The following FBXO38 variants were observed in gnomAD, a reference collection of about 807,000 sequenced individuals.
FBXO38 encodes F-box only protein 38.
In FBXO38, 53 loss-of-function variants were observed where a neutral mutation model predicts 131.9. The ratio of observed to expected loss-of-function variants is 0.40; its 90% CI spans 0.32 to 0.51. FBXO38 has a LOEUF of 0.51. Among genes scored for constraint, FBXO38 ranks in the 20% least tolerant of loss-of-function variants. FBXO38 has a pLI of 0.53. For missense variants in FBXO38, 1,076 were observed against 1,475.6 expected (o/e 0.73, Z 4.44); for synonymous variants, 452 against 505.6 (o/e 0.89, Z 1.42).
At chr5:148,393,818 A>G (rs1487056973) in intron 1 of FBXO38, among the ~76,000 whole-genome samples, 1 of 152,142 alleles carries the variant, frequency 6.6e-6, no homozygotes, top group Non-Finnish European at 1.5e-5. Context: ...AATATTTCCT[A>G]TAAACTTCCC....
In FBXO38 at chr5:148,386,241, A is replaced by T. The variant is rs57349530; in HGVS notation, c.-64+2202A>T. ...GCACTAGGGCATTGCTCTGGAATGC[A>T]GGAAGACAACCACAGTGACAGAGGA... On this transcript the variant is annotated intron_variant, in intron 1 of 21. Coordinates refer to ENST00000340253, the MANE Select transcript of FBXO38 (RefSeq NM_205836.3). 5.0e-3 allele frequency among the ~76,000 whole-genome samples: 760 copies of T among 152,298 alleles called. 4 individuals are homozygous for T. Among genetic ancestry groups the T allele is most frequent in the African/African-American group, 0.017 (712 of 41,564 alleles).
intron 14 of FBXO38, among the ~76,000 whole-genome samples, chr5:148,426,947 T>C (rs1472993694): frequency 6.6e-6 from 1 of 152,058 alleles, no homozygotes; most frequent in African/African-American, 2.4e-5. Flanking sequence ...ATGTAGAATG[T>C]ATATGGAGGG....
At chr5:148,425,353 T>G (rs558072992) in intron 13 of FBXO38, among the ~76,000 whole-genome samples, 169 bp from the exon 14 acceptor site, 1 of 152,334 alleles carries the variant, frequency 6.6e-6, no homozygotes, top group Admixed American at 6.5e-5. Flanking sequence ...AGAGTTGAGT[T>G]GCTTTCACAG....
intron 10 of FBXO38, among the ~76,000 whole-genome samples, chr5:148,414,684 T>A (rs1432894864): frequency 6.6e-6 from 1 of 152,150 alleles, no homozygotes; most frequent in East Asian, 1.9e-4. Flanking sequence ...ACAAAGTAGG[T>A]ATGTATGTTG....
At chr5:148,436,554 G>A (rs1485108863) in intron 17 of FBXO38, among the ~76,000 whole-genome samples, 1 of 151,758 alleles carries the variant, frequency 6.6e-6, no homozygotes, top group Non-Finnish European at 1.5e-5. Context: ...AAGCATTTCA[G>A]ATAAAGGTTC....
intron 18 of FBXO38, 136 bp downstream of exon 18, chr5:148,438,634 C>T (rs1280836322): frequency 9.0e-6 from 8 of 891,060 alleles, no homozygotes; most frequent in Non-Finnish European, 1.3e-5. Flanking sequence ...TTAGTTTTTA[C>T]AGGTTATGTA....
intron 12 of FBXO38, among the ~76,000 whole-genome samples, chr5:148,422,951 G>GGTTTGTTT (rs79554071): frequency 0.02 from 3,058 of 151,092 alleles, 29 homozygotes; most frequent in Middle Eastern, 0.038. Context: ...ACAGATAACT[G>GGTTTGTTT]GTTTGTTTGT....
rs370826896 is a variant in FBXO38, at chr5:148,427,475, T to C, written c.2181T>C (p.Phe727=). 6.3e-5 allele frequency: 101 copies of C among 1,614,198 alleles called. No individual in the cohort carries two copies. Among genetic ancestry groups the C allele is most frequent in the South Asian group, 8.8e-5 (8 of 91,088 alleles). Residue 727 remains phenylalanine (F), a synonymous_variant, in exon 15 of 22, where the codon TTT becomes TTC. Coordinates refer to ENST00000340253, the MANE Select transcript of FBXO38 (RefSeq NM_205836.3). ...SHNTASQSPD[F]VRTVNSGGSS... ...ACACTGCTTCTCAAAGCCCCGACTT[T>C]GTAAGGACGGTGAACAGCGGCGGCT...
chr5:148,390,387 G>A (rs1758139359), intron 1 of FBXO38, among the ~76,000 whole-genome samples: 1 of 152,150 alleles, frequency 6.6e-6, no homozygotes, highest in Non-Finnish European at 1.5e-5. Flanking sequence ...AGATAGAGAT[G>A]TTTTCTTTTA....
At chr5:148,399,655 G>C (rs1752029203) in intron 3 of FBXO38, 1 of 152,376 alleles carries the variant, frequency 6.6e-6, no homozygotes, top group South Asian at 2.1e-4. Flanking sequence ...GAAGAACTCA[G>C]TAGCTTCCTA....
At chr5:148,435,643 G>T (rs1165773731) in intron 17 of FBXO38, among the ~76,000 whole-genome samples, 1 of 152,128 alleles carries the variant, frequency 6.6e-6, no homozygotes, top group Non-Finnish European at 1.5e-5. Flanking sequence ...GGTGGCGGGT[G>T]CCTGTAGTCC....
intron 11 of FBXO38, 55 bp downstream of exon 11, chr5:148,416,125 C>G: frequency 2.1e-6 from 3 of 1,413,938 alleles, no homozygotes; most frequent in Non-Finnish European, 2.8e-6. Context: ...AAAATAAAAA[C>G]AGCCTGTGAT....
chr5:148,384,296 C>T (rs1581208302), intron 1 of FBXO38, among the ~76,000 whole-genome samples: 1 of 152,208 alleles, frequency 6.6e-6, no homozygotes, highest in African/African-American at 2.4e-5. Context: ...AGAACTCTCT[C>T]TGGGCCCCAG....
At chr5:148,422,623 G>A (rs951516525) in intron 12 of FBXO38, among the ~76,000 whole-genome samples, 4 of 152,172 alleles carry the variant, frequency 2.6e-5, no homozygotes, top group Non-Finnish European at 5.9e-5. Flanking sequence ...CTAACAAATT[G>A]TAGTAAGATG....
rs558288627 is a variant in FBXO38, at chr5:148,405,593, A to G, written c.731-664A>G. 2.6e-4 allele frequency among the ~76,000 whole-genome samples: 39 copies of G among 152,190 alleles called. No individual in the cohort carries two copies. In the South Asian group the frequency reaches 7.0e-3, roughly 27 times the overall value. On this transcript the variant is annotated intron_variant, in intron 6 of 21. Coordinates refer to ENST00000340253, the MANE Select transcript of FBXO38 (RefSeq NM_205836.3). ...CTTTTATCATCACATTTGACTATTC[A>G]TTGTTCCCTGGTCAGCCATACAGCT... is the stretch of plus-strand genomic sequence containing the variant.
intron 5 of FBXO38, among the ~76,000 whole-genome samples, chr5:148,403,946 C>T (rs2113538595): frequency 6.6e-6 from 1 of 152,142 alleles, no homozygotes; most frequent in Admixed American, 6.5e-5. Context: ...TCCATATTTC[C>T]TGTATTTTTT....
At chr5:148,404,535 A>G (rs1396903133) in intron 5 of FBXO38, 150 bp from the exon 6 acceptor site, 3 of 701,352 alleles carry the variant, frequency 4.3e-6, no homozygotes, top group Admixed American at 4.1e-5. Context: ...AAATAAGGCA[A>G]ACTTGATAGA....
chr5:148,422,671 G>A (rs80058660), intron 12 of FBXO38, among the ~76,000 whole-genome samples: 3,030 of 152,240 alleles, frequency 0.02, 107 homozygotes, highest in African/African-American at 0.068. Flanking sequence ...GAAAGAAATC[G>A]TTTAAACAAC....
In FBXO38 at chr5:148,416,013, A is replaced by G. The variant is rs745543960; in HGVS notation, c.1350A>G (p.Glu450=). ...TGGACTCTTTTGGCCAGTTTATTGA[A>G]TTATTACCCAGCCTAGAGTTTATTT... ...LKLDSFGQFI[E]LLPSLEFISL... Residue 450 remains glutamate, a synonymous_variant, in exon 11 of 22, where the codon GAA becomes GAG. Coordinates refer to ENST00000340253, the MANE Select transcript of FBXO38 (RefSeq NM_205836.3). 3 of 1,613,154 alleles carry G rather than the reference A, an allele frequency of 1.9e-6. No homozygotes were observed. In the South Asian group the frequency reaches 3.3e-5, roughly 18 times the overall value.
Sources: gnomAD v4.1 joint callset for allele counts (sites outside exome capture counted in the v4.1 genomes callset) on GRCh38, gnomAD v4.1.1 for gene constraint, MANE v1.5 for transcripts, NCBI Gene and HGNC (gene_info 2026-07-23, HGNC 2026-07-21) for gene names.